The following AOPEP variants were observed in gnomAD, a reference collection of about 807,000 sequenced individuals.
AOPEP encodes the protein aminopeptidase O.
Under a neutral mutation model 98.1 loss-of-function variants are expected in AOPEP, and 77 were observed. That is an observed-to-expected ratio of 0.78 (90% CI 0.65 to 0.95). The LOEUF is 0.95. AOPEP is among the 40% of genes least tolerant of loss of function. AOPEP has a pLI of 0.00. For missense variants in AOPEP, 1,024 were observed against 1,024.7 expected (o/e 1.00, Z 0.01); for synonymous variants, 346 against 365.3 (o/e 0.95, Z 0.60).
the AOPEP span, among the ~76,000 whole-genome samples, chr9:95,137,883 A>G: frequency 6.6e-6 from 1 of 152,244 alleles, no homozygotes; most frequent in Non-Finnish European, 1.5e-5. Context: ...CAGGCCCTGG[A>G]TGGCAGCACA....
chr9:94,788,770 A>G (rs1845009002), intron 3 of AOPEP, among the ~76,000 whole-genome samples: 1 of 152,164 alleles, frequency 6.6e-6, no homozygotes, highest in African/African-American at 2.4e-5. Context: ...TGGCCTCAGC[A>G]TCCTATGTGC....
chr9:95,082,830 A>C (rs561979143), intron 16 of AOPEP, 111 bp downstream of exon 16: 15 of 1,277,182 alleles, frequency 1.2e-5, no homozygotes, highest in Admixed American at 6.0e-5. Flanking sequence ...CAGCATCAAT[A>C]GTCGGCTCCC....
intron 1 of AOPEP, among the ~76,000 whole-genome samples, chr9:94,759,437 A>C (rs572495321): frequency 6.6e-6 from 1 of 152,352 alleles, no homozygotes; most frequent in African/African-American, 2.4e-5. Flanking sequence ...GTGGAGGCCC[A>C]TGCCATCCAG....
chr9:94,847,621 G>C (rs1588518876), intron 5 of AOPEP, among the ~76,000 whole-genome samples: 1 of 152,236 alleles, frequency 6.6e-6, no homozygotes, highest in Non-Finnish European at 1.5e-5. Context: ...CAGGCAAGCA[G>C]CTGATTTCCT....
chr9:95,089,134 C>G (rs545351959), downstream of AOPEP, among the ~76,000 whole-genome samples: 11 of 152,350 alleles, frequency 7.2e-5, no homozygotes, highest in South Asian at 2.3e-3. Flanking sequence ...AGCTGCTCCT[C>G]TGGCATCTCC....
intron 1 of AOPEP, among the ~76,000 whole-genome samples, chr9:94,740,234 C>G (rs1008584615): frequency 1.3e-5 from 2 of 151,942 alleles, no homozygotes; most frequent in African/African-American, 4.8e-5. Flanking sequence ...TAGGGGTGGT[C>G]CCTGCTTGTG....
intron 7 of AOPEP, among the ~76,000 whole-genome samples, chr9:94,942,447 C>T (rs567180878): frequency 6.6e-6 from 1 of 152,242 alleles, no homozygotes; most frequent in African/African-American, 2.4e-5. Flanking sequence ...GAAAGAAGAA[C>T]ATCCTGCTAG....
chr9:94,967,835 G>A (rs1175981324), intron 10 of AOPEP, 34 bp downstream of exon 10: 7 of 1,561,046 alleles, frequency 4.5e-6, no homozygotes, highest in East Asian at 2.2e-5. Flanking sequence ...GGAATTAAGA[G>A]CCCAGTTTTA....
chr9:95,086,657 A>G (rs991163306), intron 16 of AOPEP, 25 bp from the exon 17 acceptor site: 3 of 988,190 alleles, frequency 3.0e-6, no homozygotes, highest in East Asian at 1.1e-4. Context: ...CTGGGTAATC[A>G]ATGTTACTGC....
the AOPEP span, among the ~76,000 whole-genome samples, chr9:95,093,920 C>T: frequency 6.6e-6 from 1 of 152,198 alleles, no homozygotes; most frequent in Non-Finnish European, 1.5e-5. Context: ...TTTGCATTTC[C>T]TCCTCTGTAA....
chr9:94,996,350 CTGTGTGTGTGTGTGTGTGTG>C (rs10608161), intron 11 of AOPEP, among the ~76,000 whole-genome samples: 2 of 141,782 alleles, frequency 1.4e-5, no homozygotes, highest in African/African-American at 5.3e-5. Context: ...TTACTTGCCT[CTGTGTGTGTGTGTGTGTGTG>C]TGTGTGTGTG....
intron 1 of AOPEP, among the ~76,000 whole-genome samples, chr9:94,730,072 C>T (rs1830158495): frequency 6.6e-6 from 1 of 152,064 alleles, no homozygotes; most frequent in Non-Finnish European, 1.5e-5. Flanking sequence ...ATCACGAGGT[C>T]AGGAGATCGA....
the AOPEP span, among the ~76,000 whole-genome samples, chr9:95,125,790 T>G: frequency 2.1e-4 from 32 of 152,332 alleles, no homozygotes; most frequent in Middle Eastern, 3.4e-3. Flanking sequence ...CAGCCTCTGC[T>G]GCTGTGTGTT....
chr9:95,026,722 G>A (rs2063869607), intron 13 of AOPEP, among the ~76,000 whole-genome samples: 1 of 152,192 alleles, frequency 6.6e-6, no homozygotes, highest in Non-Finnish European at 1.5e-5. Context: ...CGTAAGTTGA[G>A]TAAATTTATA....
intron 5 of AOPEP, among the ~76,000 whole-genome samples, chr9:94,881,381 T>C (rs1034155671): frequency 6.6e-6 from 1 of 152,156 alleles, no homozygotes; most frequent in African/African-American, 2.4e-5. Context: ...CCTGCTTATT[T>C]GCAAGGAAGG....
chr9:94,996,790 G>C lies in AOPEP; in HGVS notation c.1978-8368G>C, dbSNP rs904096985. Reference sequence around the variant, plus strand: ...ATTTTCCTATAGCAGCAATATATGTGTGTGTGTTTTCTAAACAATAGAGCC... The same window carrying C: ...ATTTTCCTATAGCAGCAATATATGTCTGTGTGTTTTCTAAACAATAGAGCC... On this transcript the variant is annotated intron_variant, in intron 11 of 16. Transcript: ENST00000375315. Among the ~76,000 whole-genome samples, 9 of 152,202 alleles carry C rather than the reference G, an allele frequency of 5.9e-5. No individual in the cohort carries two copies. In the East Asian group the frequency reaches 1.3e-3, roughly 23 times the overall value.
chr9:94,863,904 T>G (rs1397360166), intron 5 of AOPEP, among the ~76,000 whole-genome samples: 1 of 152,192 alleles, frequency 6.6e-6, no homozygotes, highest in Non-Finnish European at 1.5e-5. Context: ...TACTTTCGCT[T>G]GCATCTTACC....
intron 14 of AOPEP, among the ~76,000 whole-genome samples, chr9:95,076,867 T>C (rs2069129312): frequency 6.6e-6 from 1 of 152,234 alleles, no homozygotes. Flanking sequence ...CTCCATTTGA[T>C]TGGGTCTAAA....
intron 5 of AOPEP, among the ~76,000 whole-genome samples, chr9:94,886,467 T>A (rs2048253649): frequency 1.3e-5 from 2 of 152,230 alleles, no homozygotes. Context: ...CACACTAGTT[T>A]ATGTTACATA....
Sources: gnomAD v4.1 joint callset for allele counts (sites outside exome capture counted in the v4.1 genomes callset) on GRCh38, gnomAD v4.1.1 for gene constraint, MANE v1.5 for transcripts, NCBI Gene and HGNC (gene_info 2026-07-23, HGNC 2026-07-21) for gene names.